ANK2: variants seen among roughly 807,000 people sequenced by gnomAD.
The protein encoded by ANK2 is ankyrin 2.
Under a neutral mutation model 360.5 loss-of-function variants are expected in ANK2, and 83 were observed. That is an observed-to-expected ratio of 0.23 (90% CI 0.19 to 0.28). The LOEUF (loss-of-function observed/expected upper bound fraction) is 0.28, where lower values mean the gene tolerates loss of function less well. Ranked by LOEUF, ANK2 falls within the 10% of genes least tolerant of loss-of-function variation. The pLI is 1.00. For missense variants in ANK2, 4,201 were observed against 4,795.7 expected (o/e 0.88, Z 3.66); for synonymous variants, 1,740 against 1,759.5 (o/e 0.99, Z 0.28).
intron 2 of ANK2, among the ~76,000 whole-genome samples, chr4:112,909,066 G>A (rs550123648): frequency 2.4e-4 from 36 of 152,326 alleles, no homozygotes; most frequent in African/African-American, 8.2e-4. Flanking sequence ...GAAGAAAATA[G>A]CGAAGACTAA....
At position 112,863,787 on chromosome 4, in the gene ANK2, G is replaced by T. The variant is rs539875684; in HGVS notation, c.-39-40668G>T. On this transcript the variant is annotated intron_variant, in intron 1 of 30. Coordinates refer to the ANK2 transcript ENST00000503271. ...TCCTCCCGCCTCGGCCTCCCAAAGT[G>T]CTGGGATTACAGGCGTGAGCCACCG... Among the ~76,000 whole-genome samples the T allele has an allele frequency of 9.9e-5, 15 of 152,222 alleles. 1 individual carries two copies. In the East Asian group the frequency reaches 1.2e-3, roughly 12 times the overall value.
At chr4:113,308,089 T>A (rs1044561778) in intron 23 of ANK2, among the ~76,000 whole-genome samples, 2 of 152,192 alleles carry the variant, frequency 1.3e-5, no homozygotes, top group African/African-American at 4.8e-5. Context: ...ATTGAATAAG[T>A]AAGTTGAAAA....
intron 1 of ANK2, among the ~76,000 whole-genome samples, chr4:113,165,543 TGTTCAAACA>T (rs1291128907): frequency 2.0e-5 from 3 of 152,192 alleles, no homozygotes; most frequent in Non-Finnish European, 4.4e-5. Flanking sequence ...CAAATATATC[TGTTCAAACA>T]GTATGGTTAG....
chr4:113,080,505 T>C (rs770199603), intron 1 of ANK2, among the ~76,000 whole-genome samples: 8 of 152,242 alleles, frequency 5.3e-5, no homozygotes, highest in Non-Finnish European at 1.2e-4. Context: ...ATAAAAACTC[T>C]GGAAGCCTCT....
chr4:113,375,649 T>C (rs11943271), intron 45 of ANK2, among the ~76,000 whole-genome samples: 33,241 of 150,508 alleles, frequency 0.22, 6,153 homozygotes, highest in African/African-American at 0.51. Flanking sequence ...GGTGTGAACC[T>C]GGGAGGCGGA....
At chr4:113,203,174 TA>T (rs2098867538) in intron 4 of ANK2, among the ~76,000 whole-genome samples, 1 of 152,242 alleles carries the variant, frequency 6.6e-6, no homozygotes, top group South Asian at 2.1e-4. Context: ...ATCCTCTAAA[TA>T]ATCCTACATA....
intron 1 of ANK2, among the ~76,000 whole-genome samples, chr4:113,066,020 A>G (rs1201974535): frequency 6.6e-6 from 1 of 152,234 alleles, no homozygotes; most frequent in African/African-American, 2.4e-5. Context: ...ATCTTTAATT[A>G]GAACTAAAAC....
At position 113,249,760 on chromosome 4, in the gene ANK2, G is replaced by A. The variant is rs2153601296; in HGVS notation, c.892-4G>A. ...TGGGCCTAATTCTTTAATTCTTTTG[G>A]CAGGATGGGTTGACACCACTTCACT... is the stretch of plus-strand genomic sequence containing the variant. On this transcript the variant is annotated splice_polypyrimidine_tract_variant and splice_region_variant and intron_variant, in intron 9 of 45. Coordinates refer to ENST00000357077, the MANE Select transcript of ANK2 (RefSeq NM_001148.6). The A allele has an allele frequency of 3.7e-6, 6 of 1,613,888 alleles. No homozygotes were observed. Among genetic ancestry groups the A allele is most frequent in the Non-Finnish European group, 5.1e-6 (6 of 1,179,970 alleles).
At chr4:113,122,613 G>A (rs998133014) in intron 1 of ANK2, among the ~76,000 whole-genome samples, 6 of 152,118 alleles carry the variant, frequency 3.9e-5, no homozygotes, top group Non-Finnish European at 7.4e-5. Flanking sequence ...TATCTGGACA[G>A]ATGCTCTTCT....
chr4:113,315,741 A>G (rs2082471512), intron 24 of ANK2, among the ~76,000 whole-genome samples: 1 of 150,988 alleles, frequency 6.6e-6, no homozygotes, highest in African/African-American at 2.5e-5. Context: ...TACTAAAAAT[A>G]CAAAAAAATT....
intron 1 of ANK2, among the ~76,000 whole-genome samples, chr4:113,135,855 A>G (rs982136131): frequency 1.3e-5 from 2 of 152,182 alleles, no homozygotes; most frequent in African/African-American, 4.8e-5. Context: ...AAGAACTGAC[A>G]GAATAGTAAT....
intron 1 of ANK2, among the ~76,000 whole-genome samples, chr4:113,121,762 C>A (rs1228809479): frequency 6.6e-6 from 1 of 151,870 alleles, no homozygotes; most frequent in Non-Finnish European, 1.5e-5. Context: ...TTTAATTTCA[C>A]AGTAAAAGGT....
At chr4:113,161,431 T>G (rs1458853228) in intron 1 of ANK2, among the ~76,000 whole-genome samples, 2 of 152,216 alleles carry the variant, frequency 1.3e-5, no homozygotes. Context: ...TTTCAGCCAA[T>G]GCTATCTTTT....
chr4:112,937,542 G>A (rs537287503), intron 2 of ANK2, among the ~76,000 whole-genome samples: 2 of 152,188 alleles, frequency 1.3e-5, no homozygotes, highest in East Asian at 3.9e-4. Context: ...TGGCCAGGCT[G>A]GTCTCCAACT....
intron 14 of ANK2, among the ~76,000 whole-genome samples, chr4:113,266,839 T>C (rs1050357788): frequency 1.3e-5 from 2 of 152,064 alleles, no homozygotes; most frequent in Admixed American, 1.3e-4. Context: ...ATCGTGCCAT[T>C]GCACTCCAGC....
chr4:113,358,139 C>T lies in ANK2; in HGVS notation c.9521C>T (p.Thr3174Ile), dbSNP rs2095921975. ...ESLALSESKE[T>I]VDDEADLLPD... is the part of the protein sequence containing the mutation. ...CTAGCACTTTCAGAATCAAAAGAAA[C>T]AGTGGATGATGAGGCAGACTTACTT... The change falls in exon 38 of 46, where the codon ACA (threonine) becomes ATA (isoleucine). Residue 3174 changes from threonine (T) to isoleucine (I), a missense_variant. Physicochemically the swap from Thr to Ile is moderately conservative, Grantham distance 89. Around this residue, in one of 4 missense-constraint regions of ANK2, gnomAD observed 2,642 missense variants for 2,714.5 expected, o/e 0.97. Transcript: ENST00000357077. The T allele has an allele frequency of 6.2e-7, 1 of 1,614,054 alleles. No individual in the cohort carries two copies. Among genetic ancestry groups the T allele is most frequent in the South Asian group, 1.1e-5 (1 of 91,082 alleles).
rs964196149 is a variant in ANK2 at position 113,143,567 on chromosome 4, T to C, written c.85-30849T>C. On this transcript the variant is annotated intron_variant, in intron 1 of 45. Coordinates refer to ENST00000357077, the MANE Select transcript of ANK2 (RefSeq NM_001148.6). ...AAGATTCTATTGAATGTTTTTAAAA[T>C]AGTACACTAATTCCAAAAGTGTGCG... 3.3e-5 allele frequency among the ~76,000 whole-genome samples: 5 copies of C among 152,354 alleles called. No individual in the cohort carries two copies. In the East Asian group the frequency reaches 5.8e-4, roughly 18 times the overall value.
intron 2 of ANK2, among the ~76,000 whole-genome samples, chr4:112,976,398 T>C (rs929468538): frequency 2.6e-5 from 4 of 152,142 alleles, no homozygotes; most frequent in Non-Finnish European, 5.9e-5. Flanking sequence ...TTCACTGTGT[T>C]GGTCAGGCTG....
Position 112,944,470 on chromosome 4 carries a change from A to G in ANK2, c.21+39956A>G, listed in dbSNP as rs1015266769. 2.0e-5 allele frequency among the ~76,000 whole-genome samples: 3 copies of G among 152,366 alleles called. No individual in the cohort carries two copies. In the East Asian group the frequency reaches 5.8e-4, roughly 29 times the overall value. Reference sequence around the variant, plus strand: ...AGGATAATAGGAAGTTACTATTAATAATGAATACATGTAATCATTGCTACA... The same window carrying G: ...AGGATAATAGGAAGTTACTATTAATGATGAATACATGTAATCATTGCTACA... On this transcript the variant is annotated intron_variant, in intron 2 of 30. Transcript: ENST00000503271.
Sources: gnomAD v4.1 joint callset for allele counts (sites outside exome capture counted in the v4.1 genomes callset) on GRCh38, gnomAD v4.1.1 for gene constraint, gnomAD v4.1.1 regional missense constraint, MANE v1.5 for transcripts, NCBI Gene and HGNC (gene_info 2026-07-23, HGNC 2026-07-21) for gene names.